The following SNAP91 variants were observed in gnomAD, a reference collection of about 807,000 sequenced individuals.
SNAP91 encodes the protein synaptosome associated protein 91.
A neutral mutation model predicts 100.3 loss-of-function variants in SNAP91; 27 were observed. That is an observed-to-expected ratio of 0.27 (90% CI 0.20 to 0.37). The LOEUF is 0.37. Among genes scored for constraint, SNAP91 ranks in the 10% least tolerant of loss-of-function variants. The pLI, the probability that SNAP91 is intolerant of heterozygous loss-of-function variation, is 1.00. For synonymous variants in SNAP91, 404 were observed against 398.6 expected (o/e 1.01, Z -0.16); for missense variants, 986 against 1,123.7 (o/e 0.88, Z 1.75).
At chr6:83,601,462 G>A (rs1282589960) in intron 15 of SNAP91, 24 bp from the exon 16 acceptor site, 1 of 1,613,338 alleles carries the variant, frequency 6.2e-7, no homozygotes, top group Non-Finnish European at 8.5e-7. Flanking sequence ...GAGACAGAGA[G>A]CAAACGGAGA....
At chr6:83,676,233 G>A (rs948229574) in intron 2 of SNAP91, among the ~76,000 whole-genome samples, 3 of 152,064 alleles carry the variant, frequency 2.0e-5, no homozygotes, top group African/African-American at 7.2e-5. Context: ...TATAATAGCA[G>A]TGAACAAAAC....
At chr6:83,619,368 T>G (rs1431153007) in intron 9 of SNAP91, among the ~76,000 whole-genome samples, 1 of 152,180 alleles carries the variant, frequency 6.6e-6, no homozygotes, top group Non-Finnish European at 1.5e-5. Context: ...CTCAACTGCA[T>G]CTATGGCAGT....
intron 1 of SNAP91, chr6:83,708,551 C>G (rs1253487385): frequency 1.3e-5 from 2 of 152,526 alleles, no homozygotes; most frequent in Non-Finnish European, 2.9e-5. Context: ...TCGCCGCCGG[C>G]TCCAAAGCCT....
chr6:83,701,833 C>T lies in SNAP91; in HGVS notation c.130+5965G>A, dbSNP rs1030254256. Reference sequence around the variant, plus strand: ...TGTACACAAGGAAGAGGAGGATCCTCACACATCTGGGACAAATGAAGAGAT... The same window carrying T: ...TGTACACAAGGAAGAGGAGGATCCTTACACATCTGGGACAAATGAAGAGAT... On this transcript the variant is annotated intron_variant, in intron 2 of 29. Coordinates refer to ENST00000369694, the MANE Select transcript of SNAP91 (RefSeq NM_001242792.2). 2.0e-5 allele frequency among the ~76,000 whole-genome samples: 3 copies of T among 152,206 alleles called. No homozygotes were observed. In the East Asian group the frequency reaches 5.8e-4, roughly 29 times the overall value.
chr6:83,666,584 C>T (rs2098690783), intron 2 of SNAP91, among the ~76,000 whole-genome samples: 1 of 152,096 alleles, frequency 6.6e-6, no homozygotes, highest in Non-Finnish European at 1.5e-5. Context: ...TTAAACTATA[C>T]ATTTTATGCA....
intron 11 of SNAP91, among the ~76,000 whole-genome samples, chr6:83,612,659 T>A (rs2096212847): frequency 6.6e-6 from 1 of 152,088 alleles, no homozygotes; most frequent in South Asian, 2.1e-4. Context: ...GCAGATCACT[T>A]GAGGTCAGGA....
In SNAP91 at chr6:83,678,970, C is replaced by T. The variant is rs149970675; in HGVS notation, c.131-13389G>A. 42 of 884,096 alleles carry T rather than the reference C, an allele frequency of 4.8e-5. No individual in the cohort carries two copies. In the African/African-American group the frequency reaches 6.8e-4, roughly 14 times the overall value. The allele number at this position is 884,096 out of a possible 1,614,324, so 54.8% of individuals were successfully genotyped here. On this transcript the variant is annotated intron_variant, in intron 2 of 29. Coordinates refer to ENST00000369694, the MANE Select transcript of SNAP91 (RefSeq NM_001242792.2). ...AAATGAAAAAAAAAAATACAGCTGG[C>T]CTTCTATATCCACAAGGTCCACATC... is the stretch of plus-strand genomic sequence containing the variant.
chr6:83,683,007 C>G (rs141206196), intron 2 of SNAP91, among the ~76,000 whole-genome samples: 1 of 152,074 alleles, frequency 6.6e-6, no homozygotes, highest in Non-Finnish European at 1.5e-5. Flanking sequence ...TTCCTAATCT[C>G]CTCCAGGGTC....
At chr6:83,569,122 T>G (rs1040544676) in intron 26 of SNAP91, among the ~76,000 whole-genome samples, 3 of 152,100 alleles carry the variant, frequency 2.0e-5, no homozygotes, top group African/African-American at 7.2e-5. Context: ...AAACTAAGAA[T>G]TAATAAAGAT....
intron 7 of SNAP91, among the ~76,000 whole-genome samples, chr6:83,642,888 G>T (rs1242893674): frequency 2.0e-5 from 3 of 152,176 alleles, no homozygotes; most frequent in Non-Finnish European, 2.9e-5. Context: ...CATTCTAACT[G>T]GTGTAAGATG....
intron 12 of SNAP91, among the ~76,000 whole-genome samples, chr6:83,609,410 C>A (rs7762649): frequency 1.2e-3 from 177 of 152,196 alleles, no homozygotes; most frequent in Non-Finnish European, 2.2e-3. Context: ...ATAAATGGAG[C>A]TTTTCACTTG....
intron 12 of SNAP91, among the ~76,000 whole-genome samples, chr6:83,609,466 G>A (rs1476007700): frequency 6.6e-6 from 1 of 152,158 alleles, no homozygotes; most frequent in East Asian, 1.9e-4. Flanking sequence ...GGGGATCTTA[G>A]GCAGCCAGCC....
At chr6:83,658,894 A>T (rs1428393178) in intron 6 of SNAP91, 105 bp downstream of exon 6, 1 of 798,426 alleles carries the variant, frequency 1.3e-6, no homozygotes, top group East Asian at 2.7e-5. Flanking sequence ...CTAAATGAAG[A>T]TCTATAGCTG....
At chr6:83,676,399 G>A (rs2098899495) in intron 2 of SNAP91, among the ~76,000 whole-genome samples, 1 of 152,134 alleles carries the variant, frequency 6.6e-6, no homozygotes, top group African/African-American at 2.4e-5. Context: ...ATCAGAAAAG[G>A]CCTCCCCAAG....
chr6:83,673,019 T>C (rs1301067183), intron 2 of SNAP91, among the ~76,000 whole-genome samples: 2 of 152,140 alleles, frequency 1.3e-5, no homozygotes, highest in African/African-American at 2.4e-5. Flanking sequence ...AATGAGAAAC[T>C]ACAGACCAAA....
At chr6:83,680,955 G>A (rs1364717353) in intron 2 of SNAP91, among the ~76,000 whole-genome samples, 1 of 152,080 alleles carries the variant, frequency 6.6e-6, no homozygotes, top group African/African-American at 2.4e-5. Context: ...AGTTTTGGTT[G>A]TGGCCAAATG....
At chr6:83,645,903 CAGAG>C (rs905166751) in intron 7 of SNAP91, among the ~76,000 whole-genome samples, 1 of 152,144 alleles carries the variant, frequency 6.6e-6, no homozygotes, top group African/African-American at 2.4e-5. Flanking sequence ...TGTAGAATGT[CAGAG>C]AGCTGAAAAC....
chr6:83,618,978 G>C (rs1017175035), intron 9 of SNAP91, among the ~76,000 whole-genome samples: 4 of 151,742 alleles, frequency 2.6e-5, no homozygotes, highest in African/African-American at 9.7e-5. Context: ...CTCCTATTAA[G>C]TTTCTTAGTT....
intron 16 of SNAP91, among the ~76,000 whole-genome samples, chr6:83,596,739 T>C (rs546015849): frequency 1.4e-5 from 2 of 143,680 alleles, no homozygotes; most frequent in East Asian, 4.1e-4. Context: ...TATATATATA[T>C]GTATATACTT....
Sources: allele counts gnomAD v4.1 joint callset (sites outside exome capture counted in the v4.1 genomes callset), GRCh38; gene constraint gnomAD v4.1.1; transcripts MANE v1.5; gene names NCBI Gene and HGNC (gene_info 2026-07-23, HGNC 2026-07-21).